The following PRDM2 variants were observed in gnomAD, a reference collection of about 807,000 sequenced individuals.
PRDM2 encodes PR domain zinc finger protein 2.
A neutral mutation model predicts 130.0 loss-of-function variants in PRDM2; 30 were observed. The ratio of observed to expected loss-of-function variants is 0.23; its 90% CI spans 0.17 to 0.31. The LOEUF (loss-of-function observed/expected upper bound fraction) is 0.31, where lower values mean the gene tolerates loss of function less well. Ranked by LOEUF, PRDM2 falls within the 10% of genes least tolerant of loss-of-function variation. The probability of loss-of-function intolerance (pLI) is 1.00; values close to 1 mark genes in which losing one functional copy is unlikely to be tolerated. For missense variants in PRDM2, 2,011 were observed against 2,108.4 expected (o/e 0.95, Z 0.90); for synonymous variants, 871 against 782.4 (o/e 1.11, Z -1.89).
intron 8 of PRDM2, among the ~76,000 whole-genome samples, chr1:13,793,094 T>G (rs1204155442): frequency 6.6e-6 from 1 of 152,248 alleles, no homozygotes; most frequent in Non-Finnish European, 1.5e-5. Context: ...AGAGAGTGTG[T>G]GTAGGATCAT....
At chr1:13,767,867 TAGG>T (rs988238860) in intron 6 of PRDM2, among the ~76,000 whole-genome samples, 11 of 151,914 alleles carry the variant, frequency 7.2e-5, no homozygotes, top group African/African-American at 2.7e-4. Flanking sequence ...TTCAGCTACA[TAGG>T]AGGCTGAGGC....
At chr1:13,709,629 ATTT>A (rs1642309507) in intron 1 of PRDM2, among the ~76,000 whole-genome samples, 1 of 151,954 alleles carries the variant, frequency 6.6e-6, no homozygotes, top group Non-Finnish European at 1.5e-5. Context: ...TAGCTTTAGA[ATTT>A]TTTTTGTGTT....
intron 1 of PRDM2, among the ~76,000 whole-genome samples, chr1:13,704,055 A>C (rs1395399547): frequency 6.6e-6 from 1 of 152,242 alleles, no homozygotes; most frequent in Admixed American, 6.5e-5. Context: ...CCTTATTTGT[A>C]ATCTTTCTAA....
intron 1 of PRDM2, among the ~76,000 whole-genome samples, chr1:13,715,131 A>C (rs548466381): frequency 3.3e-5 from 5 of 152,346 alleles, no homozygotes; most frequent in Non-Finnish European, 5.9e-5. Flanking sequence ...GAAAAACAGA[A>C]TAATGTAATG....
At chr1:13,708,101 A>G (rs1007060180) in intron 1 of PRDM2, among the ~76,000 whole-genome samples, 1 of 152,114 alleles carries the variant, frequency 6.6e-6, no homozygotes, top group Non-Finnish European at 1.5e-5. Context: ...ATAATCAGCA[A>G]CTGCCATACG....
intron 4 of PRDM2, among the ~76,000 whole-genome samples, chr1:13,740,810 C>G (rs933560301): frequency 6.6e-6 from 1 of 152,150 alleles, no homozygotes; most frequent in Non-Finnish European, 1.5e-5. Context: ...AAGGTGGATG[C>G]TGCCCCTTGG....
At chr1:13,711,958 T>C (rs1177976278) in intron 1 of PRDM2, among the ~76,000 whole-genome samples, 1 of 151,862 alleles carries the variant, frequency 6.6e-6, no homozygotes, top group Non-Finnish European at 1.5e-5. Flanking sequence ...AAAGAGAAGA[T>C]TATTAATTAT....
Position 13,780,798 on chromosome 1 carries a change from T to G in PRDM2, c.3003T>G (p.Ser1001Arg), listed in dbSNP as rs777877428. 1 of 1,572,122 alleles carries G rather than the reference T, an allele frequency of 6.4e-7. No homozygotes were observed. The highest frequency in any genetic ancestry group is 1.1e-5 in the South Asian group (1 of 87,364). ...PTVPLPAPSS[S>R]ASPHPCPSPL... ...TACCTCTTCCAGCCCCCTCTTCCAG[T>G]GCATCTCCACACCCATGCCCCTCTC... The change falls in exon 8 of 10, where the codon AGT (serine) becomes AGG (arginine). Residue 1001 changes from serine (S) to arginine (R), a missense_variant. By Grantham distance (110) the Ser-to-Arg change is moderately radical. Coordinates refer to ENST00000311066, the MANE Select transcript of PRDM2 (RefSeq NM_001393986.1).
intron 6 of PRDM2, among the ~76,000 whole-genome samples, chr1:13,757,767 G>A (rs950448825): frequency 7.0e-6 from 1 of 143,862 alleles, no homozygotes; most frequent in South Asian, 2.3e-4. Flanking sequence ...TTTATTTGCA[G>A]AGGTGGATAG....
At chr1:13,822,130 C>T (rs189373270) in intron 9 of PRDM2, among the ~76,000 whole-genome samples, 92 of 152,244 alleles carry the variant, frequency 6.0e-4, no homozygotes, top group East Asian at 1.9e-4. Context: ...CCTCAGGACC[C>T]AGCAGTCCCA....
intron 1 of PRDM2, among the ~76,000 whole-genome samples, chr1:13,714,481 A>G (rs1016592554): frequency 4.6e-5 from 7 of 152,162 alleles, no homozygotes; most frequent in African/African-American, 1.7e-4. Flanking sequence ...GCCAGGCCCT[A>G]ACTTAAATAT....
At chr1:13,766,672 A>G (rs985505114) in intron 6 of PRDM2, among the ~76,000 whole-genome samples, 2 of 152,194 alleles carry the variant, frequency 1.3e-5, no homozygotes, top group Non-Finnish European at 2.9e-5. Flanking sequence ...TTTGGAACCA[A>G]CTGTGAAGCT....
chr1:13,778,069 C>T (rs1045591872), intron 7 of PRDM2, among the ~76,000 whole-genome samples: 4 of 152,118 alleles, frequency 2.6e-5, no homozygotes, highest in Admixed American at 6.5e-5. Flanking sequence ...TACTCCAACA[C>T]GATTTTAAAC....
At chr1:13,795,698 T>A (rs377468354) in intron 8 of PRDM2, among the ~76,000 whole-genome samples, 1 of 152,248 alleles carries the variant, frequency 6.6e-6, no homozygotes, top group Non-Finnish European at 1.5e-5. Flanking sequence ...AACCAGCATG[T>A]CTGAGGTTTC....
At chr1:13,728,820 C>T (rs1221200600) in intron 2 of PRDM2, among the ~76,000 whole-genome samples, 2 of 152,062 alleles carry the variant, frequency 1.3e-5, no homozygotes, top group African/African-American at 2.4e-5. Context: ...TTCATGTTCT[C>T]GGGCGCTTCA....
At chr1:13,820,310 G>A (rs1211910551) in intron 9 of PRDM2, among the ~76,000 whole-genome samples, 1 of 152,184 alleles carries the variant, frequency 6.6e-6, no homozygotes, top group African/African-American at 2.4e-5. Context: ...TGAATGCAGC[G>A]AGAATGAACA....
At chr1:13,821,166 A>G (rs1366207935) in intron 9 of PRDM2, among the ~76,000 whole-genome samples, 1 of 152,012 alleles carries the variant, frequency 6.6e-6, no homozygotes, top group Non-Finnish European at 1.5e-5. Flanking sequence ...AAATGGGTTA[A>G]TAATAATAAT....
intron 6 of PRDM2, 44 bp from the exon 7 acceptor site, chr1:13,773,034 T>TA (rs35124546): frequency 7.8e-3 from 8,038 of 1,024,930 alleles, no homozygotes; most frequent in South Asian, 9.3e-3. Flanking sequence ...AATGAATAAA[T>TA]AAAAAAAAAA....
chr1:13,769,271 C>T (rs994096431), intron 6 of PRDM2: 1 of 664,538 alleles, frequency 1.5e-6, no homozygotes, highest in Non-Finnish European at 1.9e-6. Context: ...CTGTAAATGT[C>T]CTTATGGGTT....
Sources: gnomAD v4.1 joint callset for allele counts (sites outside exome capture counted in the v4.1 genomes callset) on GRCh38, gnomAD v4.1.1 for gene constraint, MANE v1.5 for transcripts, NCBI Gene and HGNC (gene_info 2026-07-23, HGNC 2026-07-21) for gene names.